KCNH1: variants seen among roughly 807,000 people sequenced by gnomAD.
KCNH1 encodes the protein potassium voltage-gated channel subfamily H member 1, also known as voltage-gated delayed rectifier potassium channel KCNH1.
A neutral mutation model predicts 69.2 loss-of-function variants in KCNH1; 27 were observed. That is an observed-to-expected ratio of 0.39 (90% CI 0.29 to 0.54). The LOEUF (loss-of-function observed/expected upper bound fraction) is 0.54, where lower values mean the gene tolerates loss of function less well. Among genes scored for constraint, KCNH1 ranks in the 20% least tolerant of loss-of-function variants. The probability of loss-of-function intolerance (pLI) is 0.68; values close to 1 mark genes in which losing one functional copy is unlikely to be tolerated. For missense variants in KCNH1, 798 were observed against 1,261.6 expected (o/e 0.63, Z 5.57); for synonymous variants, 456 against 487.7 (o/e 0.93, Z 0.86).
chr1:211,065,674 A>T (rs1305232239), intron 5 of KCNH1, among the ~76,000 whole-genome samples: 3 of 152,188 alleles, frequency 2.0e-5, no homozygotes, highest in Non-Finnish European at 4.4e-5. Flanking sequence ...GAGGTGACAC[A>T]TATGTTAGTT....
At chr1:210,743,349 G>C (rs1683080269) in intron 10 of KCNH1, among the ~76,000 whole-genome samples, 1 of 152,176 alleles carries the variant, frequency 6.6e-6, no homozygotes, top group Admixed American at 6.5e-5. Context: ...AGCAAGGCGA[G>C]GCAGCCTCAC....
rs188519095 is a variant in KCNH1, at chr1:210,955,631, T to C, written c.1033-35562A>G. 1.8e-3 allele frequency among the ~76,000 whole-genome samples: 269 copies of C among 152,312 alleles called. 1 individual carries two copies. Among genetic ancestry groups the C allele is most frequent in the African/African-American group, 6.2e-3 (259 of 41,574 alleles). ...GGGGTCATTCACATCCCTTGTAAGA[T>C]GGATTCCTAGGTATTTTATTCTCTT... On this transcript the variant is annotated intron_variant, in intron 6 of 10. Transcript: ENST00000271751.
At chr1:210,899,066 C>T (rs1686936227) in intron 7 of KCNH1, among the ~76,000 whole-genome samples, 1 of 152,092 alleles carries the variant, frequency 6.6e-6, no homozygotes. Context: ...TTTATAGAAC[C>T]CAGTGTCTAG....
chr1:210,739,968 A>AG (rs1212311064), intron 10 of KCNH1, among the ~76,000 whole-genome samples: 10 of 151,884 alleles, frequency 6.6e-5, no homozygotes, highest in Admixed American at 1.3e-4. Flanking sequence ...CCAAGATACC[A>AG]GGGGGGGAAA....
rs138755567 is a variant in KCNH1 at position 210,788,000 on chromosome 1, G to A, written c.1915+9508C>T. Among the ~76,000 whole-genome samples the A allele has an allele frequency of 1.8e-4, 28 of 152,226 alleles. 1 individual carries two copies. In the South Asian group the frequency reaches 5.4e-3, roughly 29 times the overall value. ...GAAACTTCATGACAATTCTCCTTCT[G>A]TTCTTCATTACTGCAATTAGATAAA... On this transcript the variant is annotated intron_variant, in intron 9 of 10. Coordinates refer to ENST00000271751, the MANE Select transcript of KCNH1 (RefSeq NM_172362.3).
At chr1:210,846,572 A>C (rs1223695344) in intron 7 of KCNH1, among the ~76,000 whole-genome samples, 1 of 152,178 alleles carries the variant, frequency 6.6e-6, no homozygotes, top group East Asian at 1.9e-4. Flanking sequence ...CTTACACAAA[A>C]ATTAATTCAA....
At chr1:210,713,965 C>T (rs947762435) in intron 10 of KCNH1, among the ~76,000 whole-genome samples, 28 of 152,112 alleles carry the variant, frequency 1.8e-4, no homozygotes, top group Middle Eastern at 3.2e-3. Flanking sequence ...CCTGTCACTC[C>T]GGTGGGAGGC....
intron 9 of KCNH1, among the ~76,000 whole-genome samples, chr1:210,794,402 G>A (rs1009812128): frequency 6.6e-6 from 1 of 152,208 alleles, no homozygotes; most frequent in African/African-American, 2.4e-5. Flanking sequence ...ATCCAAAGCT[G>A]CTGAGCTATT....
At chr1:210,976,349 C>A (rs957940941) in intron 6 of KCNH1, among the ~76,000 whole-genome samples, 19 of 145,138 alleles carry the variant, frequency 1.3e-4, no homozygotes, top group Non-Finnish European at 2.9e-4. Flanking sequence ...TGGAACCAAC[C>A]CAAATGTCCA....
At chr1:210,762,740 C>T (rs1315331362) in intron 10 of KCNH1, among the ~76,000 whole-genome samples, 2 of 151,888 alleles carry the variant, frequency 1.3e-5, no homozygotes, top group African/African-American at 4.8e-5. Context: ...AAAAACCTGC[C>T]AACCAACAAA....
intron 7 of KCNH1, among the ~76,000 whole-genome samples, chr1:210,850,514 A>G (rs1055496774): frequency 3.9e-5 from 6 of 152,168 alleles, no homozygotes; most frequent in Admixed American, 3.9e-4. Context: ...CTGTCTCAAA[A>G]AGAAAAAATG....
At chr1:210,942,163 G>T (rs1034944844) in intron 6 of KCNH1, among the ~76,000 whole-genome samples, 2 of 152,190 alleles carry the variant, frequency 1.3e-5, no homozygotes, top group African/African-American at 4.8e-5. Flanking sequence ...TAATCATTCT[G>T]TGTGGATTAA....
chr1:210,902,436 C>T (rs1984277), intron 7 of KCNH1, among the ~76,000 whole-genome samples: 27,025 of 152,104 alleles, frequency 0.18, 3,048 homozygotes, highest in Non-Finnish European at 0.25. Flanking sequence ...GACCCCTGGG[C>T]CCTCACACCT....
At chr1:210,801,634 G>A (rs1349221903) in intron 8 of KCNH1, among the ~76,000 whole-genome samples, 2 of 152,216 alleles carry the variant, frequency 1.3e-5, no homozygotes, top group Admixed American at 1.3e-4. Context: ...AGTGAGGGTG[G>A]GGAAGGGCTT....
chr1:210,918,390 A>C (rs1687390574), intron 7 of KCNH1, among the ~76,000 whole-genome samples: 1 of 152,216 alleles, frequency 6.6e-6, no homozygotes, highest in Admixed American at 6.5e-5. Context: ...CCGTCTTCTC[A>C]CATCTGAATT....
chr1:211,110,402 G>A (rs1691435981), intron 1 of KCNH1, among the ~76,000 whole-genome samples: 1 of 152,126 alleles, frequency 6.6e-6, no homozygotes, highest in East Asian at 1.9e-4. Flanking sequence ...GGGGGTAAAG[G>A]AGGTTAGGAT....
intron 1 of KCNH1, among the ~76,000 whole-genome samples, chr1:211,126,387 GTAGTCCCAGCTACTCGGGAGGCT>G (rs1209420670): frequency 6.6e-6 from 1 of 152,042 alleles, no homozygotes; most frequent in Non-Finnish European, 1.5e-5. Flanking sequence ...GCGGGCTCCT[GTAGTCCCAGCTACTCGGGAGGCT>G]GAGGCAGGAG....
chr1:210,853,946 CAAAAAAAAAAA>C (rs11445997), intron 7 of KCNH1, among the ~76,000 whole-genome samples: 75 of 61,538 alleles, frequency 1.2e-3, no homozygotes, highest in African/African-American at 5.0e-3. Flanking sequence ...TTATCTAAGC[CAAAAAAAAAAA>C]AAAAAAAAAA....
chr1:211,106,415 C>G (rs1032794544), intron 2 of KCNH1, among the ~76,000 whole-genome samples: 1 of 151,400 alleles, frequency 6.6e-6, no homozygotes, highest in Non-Finnish European at 1.5e-5. Context: ...GCTAAGAGTT[C>G]AGAGAGAGAG....
Sources: allele counts gnomAD v4.1 joint callset (sites outside exome capture counted in the v4.1 genomes callset), GRCh38; gene constraint gnomAD v4.1.1; transcripts MANE v1.5; gene names NCBI Gene and HGNC (gene_info 2026-07-23, HGNC 2026-07-21).